Variants in FREM3 observed in about 807,000 individuals in gnomAD.
FREM3 encodes the protein FRAS1 related extracellular matrix 3.
FREM3 carries 105 observed loss-of-function variants against 129.1 expected under a neutral mutation model. That is an observed-to-expected ratio of 0.81 (90% CI 0.69 to 0.96). FREM3 has a LOEUF of 0.96. Among genes scored for constraint, FREM3 ranks in the 40% least tolerant of loss-of-function variants. FREM3 has a pLI of 0.00. For synonymous variants in FREM3, 1,014 were observed against 1,044.9 expected, an observed-to-expected ratio of 0.97 and a Z score of 0.57; for missense variants, 2,593 against 2,666.3, an observed-to-expected ratio of 0.97 and a Z score of 0.61.
At chr4:143,641,031 A>C (rs1189381917) in intron 2 of FREM3, among the ~76,000 whole-genome samples, 1 of 152,212 alleles carries the variant, frequency 6.6e-6, no homozygotes, top group East Asian at 1.9e-4. Context: ...GAAAGCCATA[A>C]TGCACTGTAC....
chr4:143,661,414 C>A lies in FREM3; in HGVS notation c.5275+31699G>T, dbSNP rs573127580. 3.1e-3 allele frequency among the ~76,000 whole-genome samples: 468 copies of A among 152,066 alleles called. 2 individuals carry two copies. The highest frequency in any genetic ancestry group is 0.011 in the African/African-American group (454 of 41,472). On this transcript the variant is annotated intron_variant, in intron 2 of 7. Transcript: ENST00000329798. ...ATTTATTGATTTGCGTATATTGAAC[C>A]AGCCTTGCATCCCAGGGATGAAGCC...
rs779533379 is a variant in FREM3 at position 143,697,637 on chromosome 4, G to A, written c.3039C>T (p.Ile1013=). ...PTERFTQEDL[I]NGRVAYAHTA... ...TGTGGGCATAGGCTACTCTCCCATTGATGAGATCCTCTTGGGTGAATCGTT... is the reference window on the plus strand; with the variant it reads ...TGTGGGCATAGGCTACTCTCCCATTAATGAGATCCTCTTGGGTGAATCGTT... The change falls in exon 1 of 8, where the codon ATC becomes ATT. Residue 1013 remains isoleucine, a synonymous_variant. Coordinates refer to ENST00000329798, the MANE Select transcript of FREM3 (RefSeq NM_001168235.2). The A allele has an allele frequency of 3.3e-6, 5 of 1,537,838 alleles. No individual in the cohort carries two copies. Among genetic ancestry groups the A allele is most frequent in the Non-Finnish European group, 4.4e-6 (5 of 1,147,052 alleles).
At chr4:143,694,419 T>G (rs190976904) in intron 1 of FREM3, among the ~76,000 whole-genome samples, 23 of 152,208 alleles carry the variant, frequency 1.5e-4, no homozygotes, top group Admixed American at 4.6e-4. Flanking sequence ...AAATCATGAT[T>G]TTTTTTCCTA....
intron 6 of FREM3, 144 bp downstream of exon 6, chr4:143,611,135 A>G: frequency 1.2e-6 from 1 of 832,720 alleles, no homozygotes; most frequent in Non-Finnish European, 1.8e-6. Flanking sequence ...ATGCATTTGA[A>G]GAGCTACTCA....
chr4:143,590,707 GCTGTGTCT>G (rs1228597806), intron 6 of FREM3, among the ~76,000 whole-genome samples: 1 of 151,928 alleles, frequency 6.6e-6, no homozygotes, highest in East Asian at 1.9e-4. Flanking sequence ...CTCTTTTTTT[GCTGTGTCT>G]CTGCCAGGCT....
Position 143,697,770 on chromosome 4 carries a change from A to G in FREM3, c.2906T>C (p.Met969Thr), listed in dbSNP as rs1037446528. The stretch of plus-strand genomic sequence containing the variant: ...CTTCCTTTTGCCATGGATGACACCC[A>G]TGGTAATTTCAGTGGCTTTATTCTC... ...VLENKATEIT[M>T]GVIHGKRKDV... The change falls in exon 1 of 8, where the codon ATG becomes ACG. Residue 969 changes from methionine (M) to threonine (T), a missense_variant. Around this residue, in one of 2 missense-constraint regions of FREM3, gnomAD observed 2,276 missense variants for 2,267.2 expected, o/e 1.00. Transcript: ENST00000329798. 42 of 1,537,496 alleles carry G rather than the reference A, an allele frequency of 2.7e-5. No homozygotes were observed. The highest frequency in any genetic ancestry group is 3.7e-5 in the Non-Finnish European group (42 of 1,147,002).
Position 143,693,019 on chromosome 4 carries a change from C to A in FREM3, c.5275+94G>T, listed in dbSNP as rs75623313. On this transcript the variant is annotated intron_variant, in intron 2 of 7. Coordinates refer to ENST00000329798, the MANE Select transcript of FREM3 (RefSeq NM_001168235.2). ...ATTGTGATTACTTGCTTACATGATG[C>A]CTATACTTGCCCAGAAATGATTTAA... The A allele has an allele frequency of 5.4e-3, 2,789 of 520,870 alleles. 70 individuals are homozygous for A. The highest frequency in any genetic ancestry group is 0.049 in the African/African-American group (2,533 of 51,318). The allele number at this position is 520,870 out of a possible 1,614,324, so 32.3% of individuals were successfully genotyped here. A position where few individuals can be genotyped will look rare whatever the true frequency, so the allele number is the denominator to read the frequency against.
intron 5 of FREM3, among the ~76,000 whole-genome samples, chr4:143,616,746 C>T (rs188602642): frequency 0.012 from 1,827 of 150,920 alleles, 31 homozygotes; most frequent in Admixed American, 0.029. Flanking sequence ...TGAGCCAAGA[C>T]GGCGACACTG....
intron 6 of FREM3, among the ~76,000 whole-genome samples, chr4:143,588,508 C>T (rs547407893): frequency 6.6e-6 from 1 of 151,952 alleles, no homozygotes; most frequent in African/African-American, 2.4e-5. Context: ...GTTTTTTCTC[C>T]TCGCGATAGT....
At chr4:143,683,177 A>G (rs1740286563) in intron 2 of FREM3, among the ~76,000 whole-genome samples, 1 of 152,214 alleles carries the variant, frequency 6.6e-6, no homozygotes, top group African/African-American at 2.4e-5. Flanking sequence ...ATCATGGCAG[A>G]CGGGATGCAG....
At chr4:143,657,689 A>G (rs901598662) in intron 2 of FREM3, among the ~76,000 whole-genome samples, 6 of 152,230 alleles carry the variant, frequency 3.9e-5, no homozygotes, top group Admixed American at 3.9e-4. Context: ...TCATCACACC[A>G]TATAAGCCAG....
In FREM3 at chr4:143,621,115, T is replaced by C; in HGVS notation, c.5701A>G (p.Ile1901Val). 1 of 1,536,994 alleles carries C rather than the reference T, an allele frequency of 6.5e-7. No homozygotes were observed. Among genetic ancestry groups the C allele is most frequent in the Non-Finnish European group, 8.7e-7 (1 of 1,146,648 alleles). ...CTTACTGGAATCAAAAGTTCCCCAATGTCCTCTTCTATTTTGTATTCCGCC... is the reference window on the plus strand; with the variant it reads ...CTTACTGGAATCAAAAGTTCCCCAACGTCCTCTTCTATTTTGTATTCCGCC... ...PEAEYKIEED[I>V]GELLIPVRRS... The change falls in exon 5 of 8, where the codon ATT (isoleucine) becomes GTT (valine). Residue 1901 changes from isoleucine to valine, a missense_variant. By Grantham distance (29) the Ile-to-Val change is conservative (BLOSUM62 3). Coordinates refer to ENST00000329798, the MANE Select transcript of FREM3 (RefSeq NM_001168235.2).
chr4:143,695,944 G>C lies in FREM3; in HGVS notation c.4732C>G (p.Gln1578Glu). The change falls in exon 1 of 8, where the codon CAG (glutamine) becomes GAG (glutamate). Residue 1578 changes from glutamine to glutamate, a missense_variant. Around this residue, in one of 2 missense-constraint regions of FREM3, gnomAD observed 2,276 missense variants for 2,267.2 expected, o/e 1.00. Coordinates refer to ENST00000329798, the MANE Select transcript of FREM3 (RefSeq NM_001168235.2). ...AAAATCTTGCCATGCATGGGGACCTGGGTGATGGTAAAGAGAATAAGGTCA... is the reference window on the plus strand; with the variant it reads ...AAAATCTTGCCATGCATGGGGACCTCGGTGATGGTAAAGAGAATAAGGTCA... ...PDDLILFTIT[Q>E]VPMHGKILYN... The C allele has an allele frequency of 6.5e-7, 1 of 1,537,800 alleles. No homozygotes were observed. The highest frequency in any genetic ancestry group is 8.7e-7 in the Non-Finnish European group (1 of 1,147,006).
chr4:143,698,237 G>T lies in FREM3; in HGVS notation c.2439C>A (p.Ser813Arg). 1 of 1,537,388 alleles carries T rather than the reference G, an allele frequency of 6.5e-7. No homozygotes were observed. Among genetic ancestry groups the T allele is most frequent in the Non-Finnish European group, 8.7e-7 (1 of 1,146,930 alleles). The part of the protein sequence containing the change: ...TYQVEDAAGN[S>R]VPGTFTLFLQ... Reference sequence around the variant, plus strand: ...GGAATAATGTGAATGTGCCTGGCACGCTATTGCCTGCAGCATCTTCCACCT... The same window carrying T: ...GGAATAATGTGAATGTGCCTGGCACTCTATTGCCTGCAGCATCTTCCACCT... Residue 813 changes from serine to arginine, a missense_variant, in exon 1 of 8, where the codon AGC (serine) becomes AGA (arginine). Coordinates refer to ENST00000329798, the MANE Select transcript of FREM3 (RefSeq NM_001168235.2).
intron 2 of FREM3, among the ~76,000 whole-genome samples, chr4:143,645,418 T>G (rs993636048): frequency 3.5e-4 from 54 of 152,214 alleles, no homozygotes; most frequent in African/African-American, 1.3e-3. Flanking sequence ...GATGTTGCTG[T>G]GACAGTATTT....
chr4:143,587,874 G>T lies in FREM3; in HGVS notation c.6029-1881C>A, dbSNP rs185585938. 1.2e-3 allele frequency among the ~76,000 whole-genome samples: 179 copies of T among 152,272 alleles called. 1 individual carries two copies. Among genetic ancestry groups the T allele is most frequent in the African/African-American group, 4.1e-3 (169 of 41,552 alleles). ...TCATTCCTCAACCTATTTAGCATTT[G>T]GAAGTACCTCTGTTCAGCCCTCTAG... On this transcript the variant is annotated intron_variant, in intron 6 of 7. Transcript: ENST00000329798.
In FREM3 at chr4:143,697,021, C is replaced by T. The variant is rs1215506164; in HGVS notation, c.3655G>A (p.Ala1219Thr). Reference protein sequence around the residue: ...LVIDTQLLNGADADLPPNELH... With the variant: ...LVIDTQLLNGTDADLPPNELH... The stretch of plus-strand genomic sequence containing the variant: ...TCATTTGGTGGCAGGTCAGCATCTG[C>T]TCCATTAAGCAGCTGGGTGTCTATG... Residue 1219 changes from alanine (A) to threonine (T), a missense_variant, in exon 1 of 8, where the codon GCA becomes ACA. By Grantham distance (58) the Ala-to-Thr change is moderately conservative. Around this residue, in one of 2 missense-constraint regions of FREM3, gnomAD observed 2,276 missense variants for 2,267.2 expected, o/e 1.00. Coordinates refer to ENST00000329798, the MANE Select transcript of FREM3 (RefSeq NM_001168235.2). The T allele has an allele frequency of 1.4e-5, 22 of 1,537,508 alleles. No individual in the cohort carries two copies. Among genetic ancestry groups the T allele is most frequent in the Non-Finnish European group, 1.9e-5 (22 of 1,146,980 alleles).
chr4:143,687,321 C>A (rs1560872985), intron 2 of FREM3, among the ~76,000 whole-genome samples: 1 of 151,944 alleles, frequency 6.6e-6, no homozygotes, highest in African/African-American at 2.4e-5. Context: ...CCTGAACAGA[C>A]CAATAACAAG....
At chr4:143,586,238 A>AT (rs1738241962) in intron 6 of FREM3, among the ~76,000 whole-genome samples, 1 of 152,132 alleles carries the variant, frequency 6.6e-6, no homozygotes. Context: ...GATGCTATTC[A>AT]TTTTTTTGTT....
Sources: gnomAD v4.1 joint callset for allele counts (sites outside exome capture counted in the v4.1 genomes callset) on GRCh38, gnomAD v4.1.1 for gene constraint, gnomAD v4.1.1 regional missense constraint, MANE v1.5 for transcripts, NCBI Gene and HGNC (gene_info 2026-07-23, HGNC 2026-07-21) for gene names.